KIAA0586: variants seen among roughly 807,000 people sequenced by gnomAD.
The protein encoded by KIAA0586 is protein TALPID3.
In KIAA0586, 144 loss-of-function variants were observed where a neutral mutation model predicts 169.8. The ratio of observed to expected loss-of-function variants is 0.85; its 90% CI spans 0.74 to 0.97. The LOEUF (loss-of-function observed/expected upper bound fraction) is 0.97, where lower values mean the gene tolerates loss of function less well. Ranked by LOEUF, KIAA0586 falls within the 50% of genes least tolerant of loss-of-function variation. KIAA0586 has a pLI of 0.00. For missense variants in KIAA0586, 1,854 were observed against 1,823.0 expected (o/e 1.02, Z -0.31); for synonymous variants, 625 against 612.4 (o/e 1.02, Z -0.30).
At chr14:58,427,456 G>T (rs2036910904), upstream of KIAA0586, 1 of 764,590 alleles carries the variant, frequency 1.3e-6, no homozygotes, top group African/African-American at 1.7e-5. Flanking sequence ...GTAAACACAA[G>T]TAGTATTACA....
At chr14:58,553,891 T>G (rs2047230782), downstream of KIAA0586, among the ~76,000 whole-genome samples, 1 of 152,164 alleles carries the variant, frequency 6.6e-6, no homozygotes, top group East Asian at 1.9e-4. Flanking sequence ...CTCATGATTT[T>G]GGGGATGAGC....
intron 4 of KIAA0586, 39 bp downstream of exon 4, chr14:58,432,496 A>G: frequency 9.1e-7 from 1 of 1,099,592 alleles, no homozygotes; most frequent in Non-Finnish European, 1.3e-6. Context: ...ACCATTTCTT[A>G]TGTAAATCAG....
At chr14:58,433,830 A>G (rs1253039557) in intron 4 of KIAA0586, among the ~76,000 whole-genome samples, 1 of 152,104 alleles carries the variant, frequency 6.6e-6, no homozygotes, top group East Asian at 1.9e-4. Context: ...AGTCTGGGCA[A>G]TATAGCTAAT....
chr14:58,545,272 T>G lies in KIAA0586; in HGVS notation c.4496-2509T>G, dbSNP rs191326022. On this transcript the variant is annotated intron_variant, in intron 30 of 30. Coordinates refer to ENST00000652326, the MANE Select transcript of KIAA0586 (RefSeq NM_001329943.3). The stretch of plus-strand genomic sequence containing the variant: ...TGTTATACAAATATAAGGCAATAAC[T>G]GCAAGAAATGCTTACAGTGATTGAA... Among the ~76,000 whole-genome samples, 4 of 152,350 alleles carry G rather than the reference T, an allele frequency of 2.6e-5. No homozygotes were observed. The South Asian group carries it at 6.2e-4, about 24-fold the overall frequency.
In KIAA0586 at chr14:58,481,326, A is replaced by G. The variant is rs145159490; in HGVS notation, c.2945-1187A>G. Among the ~76,000 whole-genome samples, 70 of 152,360 alleles carry G rather than the reference A, an allele frequency of 4.6e-4. No individual in the cohort carries two copies. In the East Asian group the frequency reaches 0.011, roughly 23 times the overall value. ...TAAATATCACTACTTTAAGTCAAGTAAAGTCTCTCCAGGAGATTTTACTTA... is the reference window on the plus strand; with the variant it reads ...TAAATATCACTACTTTAAGTCAAGTGAAGTCTCTCCAGGAGATTTTACTTA... On this transcript the variant is annotated intron_variant, in intron 20 of 30. Transcript: ENST00000652326.
Position 58,430,668 on chromosome 14 carries a change from A to G in KIAA0586, c.291A>G (p.Ala97=). The G allele has an allele frequency of 6.2e-7, 1 of 1,602,270 alleles. No homozygotes were observed. The highest frequency in any genetic ancestry group is 8.5e-7 in the Non-Finnish European group (1 of 1,172,778). ...CAAAGGATTTTTCTAAAGACGTTGCAGTGCAAGTGTTGCCTTTGGATAAAA... is the reference window on the plus strand; with the variant it reads ...CAAAGGATTTTTCTAAAGACGTTGCGGTGCAAGTGTTGCCTTTGGATAAAA... ...VSESDFSKDV[A]VQVLPLDKIE... The change falls in exon 3 of 31, where the codon GCA becomes GCG. Residue 97 remains alanine (A), a synonymous_variant. Coordinates refer to ENST00000652326, the MANE Select transcript of KIAA0586 (RefSeq NM_001329943.3).
chr14:58,435,496 G>A (rs918947840), intron 4 of KIAA0586, among the ~76,000 whole-genome samples: 11 of 151,948 alleles, frequency 7.2e-5, no homozygotes, highest in Non-Finnish European at 1.0e-4. Flanking sequence ...CCTTTTAACC[G>A]TGTAACACAT....
intron 20 of KIAA0586, among the ~76,000 whole-genome samples, chr14:58,480,764 C>T (rs536158211): frequency 1.3e-5 from 2 of 152,268 alleles, no homozygotes; most frequent in African/African-American, 4.8e-5. Flanking sequence ...GCTAATTTGT[C>T]CTATTTAGCA....
intron 27 of KIAA0586, among the ~76,000 whole-genome samples, chr14:58,501,647 A>G (rs1451875139): frequency 6.6e-6 from 1 of 152,176 alleles, no homozygotes; most frequent in African/African-American, 2.4e-5. Context: ...GTATAACATA[A>G]GATTGAACAC....
chr14:58,442,270 C>T (rs564373922), intron 4 of KIAA0586, among the ~76,000 whole-genome samples: 6 of 152,096 alleles, frequency 3.9e-5, no homozygotes, highest in South Asian at 2.1e-4. Context: ...CCACCACGCC[C>T]GGCTAATTTT....
chr14:58,514,108 A>G (rs892097712), intron 29 of KIAA0586, among the ~76,000 whole-genome samples: 1 of 152,102 alleles, frequency 6.6e-6, no homozygotes, highest in African/African-American at 2.4e-5. Context: ...TCACTCTATA[A>G]TTGGTACATA....
intron 26 of KIAA0586, among the ~76,000 whole-genome samples, chr14:58,495,357 G>A (rs2043093820): frequency 1.3e-5 from 2 of 152,044 alleles, no homozygotes; most frequent in South Asian, 2.1e-4. Context: ...AGGCTGGAGT[G>A]CAGTGGCTCA....
chr14:58,485,987 G>A (rs2141168832), intron 21 of KIAA0586, among the ~76,000 whole-genome samples: 1 of 152,056 alleles, frequency 6.6e-6, no homozygotes, highest in Middle Eastern at 3.4e-3. Context: ...TAAAATTTCA[G>A]CTTTTATTTA....
intron 11 of KIAA0586, 35 bp downstream of exon 11, chr14:58,458,014 G>A (rs1201034435): frequency 1.5e-6 from 2 of 1,343,976 alleles, no homozygotes; most frequent in South Asian, 1.3e-5. Flanking sequence ...TTATTTATGA[G>A]TCTGTCAGTT....
At chr14:58,502,457 CCT>C (rs2043638163) in intron 27 of KIAA0586, among the ~76,000 whole-genome samples, 1 of 152,124 alleles carries the variant, frequency 6.6e-6, no homozygotes, top group Non-Finnish European at 1.5e-5. Flanking sequence ...TCTTTTATAA[CCT>C]AATCTCCAAA....
chr14:58,427,486 C>T (rs918233841), upstream of KIAA0586: 4 of 1,113,318 alleles, frequency 3.6e-6, no homozygotes, highest in Middle Eastern at 4.2e-4. Context: ...CTCTTCAAGT[C>T]TTGGATGAGA....
chr14:58,558,111 A>G, the KIAA0586 span, among the ~76,000 whole-genome samples: 5 of 151,684 alleles, frequency 3.3e-5, no homozygotes, highest in African/African-American at 7.3e-5. Context: ...GGGTTTCACC[A>G]TGTTGGCCAG....
rs138541933 is a variant in KIAA0586 at position 58,472,515 on chromosome 14, GTCTA to G, written c.2634+240_2634+243del. On this transcript the variant is annotated intron_variant, in intron 18 of 30. Coordinates refer to ENST00000652326, the MANE Select transcript of KIAA0586 (RefSeq NM_001329943.3). ...ATCTGCCGTTCCCCACCTAGATTTT[GTCTA>G]TCTGTTTCCTGCTTTCTTCTTTCTT... Among the ~76,000 whole-genome samples, 5,813 of 151,970 alleles carry G rather than the reference GTCTA, an allele frequency of 0.038. 143 individuals carry two copies. Among genetic ancestry groups the G allele is most frequent in the Non-Finnish European group, 0.057 (3,893 of 67,880 alleles).
At position 58,465,707 on chromosome 14, in the gene KIAA0586, T is replaced by C. The variant is rs1008161151; in HGVS notation, c.2060-128T>C. ...CTACCTCTGGTCTATATATTACTTCTGTTTTGGGGCCTTGTAACCTTATAT... is the reference window on the plus strand; with the variant it reads ...CTACCTCTGGTCTATATATTACTTCCGTTTTGGGGCCTTGTAACCTTATAT... On this transcript the variant is annotated intron_variant, in intron 14 of 30. Transcript: ENST00000652326. 12 of 573,054 alleles carry C rather than the reference T, an allele frequency of 2.1e-5. No individual in the cohort carries two copies. In the African/African-American group the frequency reaches 2.3e-4, roughly 11 times the overall value. The allele number at this position is 573,054 out of a possible 1,614,324, so 35.5% of individuals were successfully genotyped here. A position where few individuals can be genotyped will look rare whatever the true frequency, so the allele number is the denominator to read the frequency against.
Sources: gnomAD v4.1 joint callset for allele counts (sites outside exome capture counted in the v4.1 genomes callset) on GRCh38, gnomAD v4.1.1 for gene constraint, MANE v1.5 for transcripts, NCBI Gene and HGNC (gene_info 2026-07-23, HGNC 2026-07-21) for gene names.